Variants in RBMS3 observed in about 807,000 individuals in gnomAD.
RBMS3 encodes the protein RNA binding motif single stranded interacting protein 3, also known as RNA-binding motif, single-stranded-interacting protein 3.
A neutral mutation model predicts 66.8 loss-of-function variants in RBMS3; 27 were observed. That is an observed-to-expected ratio of 0.40 (90% confidence interval 0.30 to 0.56). RBMS3 has a LOEUF of 0.56. Among genes scored for constraint, RBMS3 ranks in the 20% least tolerant of loss-of-function variants. RBMS3 has a pLI of 0.40. For synonymous variants in RBMS3, 188 were observed against 183.0 expected (o/e 1.03, Z -0.22); for missense variants, 513 against 549.5 (o/e 0.93, Z 0.66).
chr3:29,498,763 A>G (rs1165611101), intron 3 of RBMS3, among the ~76,000 whole-genome samples: 7 of 152,174 alleles, frequency 4.6e-5, no homozygotes, highest in Admixed American at 3.9e-4. Context: ...AAATGTTTCT[A>G]TGGCCTTGGA....
chr3:29,866,230 A>G (rs2059361868), intron 6 of RBMS3, among the ~76,000 whole-genome samples: 1 of 152,148 alleles, frequency 6.6e-6, no homozygotes, highest in African/African-American at 2.4e-5. Context: ...GCATATGCAT[A>G]TATCAACACT....
chr3:29,647,382 T>G (rs563645169), intron 4 of RBMS3, among the ~76,000 whole-genome samples: 20 of 152,258 alleles, frequency 1.3e-4, no homozygotes, highest in Admixed American at 9.8e-4. Context: ...CCTGTTGTCT[T>G]TAAAAGCTGG....
At chr3:29,901,237 G>A (rs963541502) in intron 10 of RBMS3, among the ~76,000 whole-genome samples, 3 of 151,826 alleles carry the variant, frequency 2.0e-5, no homozygotes, top group South Asian at 2.1e-4. Flanking sequence ...GCAATACATA[G>A]CATAGCAAAG....
chr3:29,631,905 A>C (rs1214230607), intron 4 of RBMS3, among the ~76,000 whole-genome samples: 2 of 151,826 alleles, frequency 1.3e-5, no homozygotes, highest in Non-Finnish European at 2.9e-5. Context: ...GACTCTCCTC[A>C]CTCCCAAAAA....
intron 1 of RBMS3, among the ~76,000 whole-genome samples, chr3:29,404,562 A>G (rs1315589386): frequency 2.0e-5 from 3 of 152,008 alleles, no homozygotes; most frequent in Admixed American, 1.3e-4. Flanking sequence ...TTGCAACACT[A>G]TTTTCAGAGT....
chr3:29,399,834 A>G (rs2039728628), intron 1 of RBMS3, among the ~76,000 whole-genome samples: 1 of 152,180 alleles, frequency 6.6e-6, no homozygotes, highest in African/African-American at 2.4e-5. Flanking sequence ...AAAATGAAGG[A>G]CAATGGCTAA....
At chr3:29,751,798 C>T (rs2055196143) in intron 5 of RBMS3, among the ~76,000 whole-genome samples, 5 of 152,198 alleles carry the variant, frequency 3.3e-5, no homozygotes, top group Admixed American at 3.3e-4. Context: ...GCCCGCAGCA[C>T]TCAAACCCCT....
At chr3:29,655,526 A>G (rs1460908837) in intron 4 of RBMS3, among the ~76,000 whole-genome samples, 1 of 152,248 alleles carries the variant, frequency 6.6e-6, no homozygotes, top group Non-Finnish European at 1.5e-5. Context: ...TTGCCATAAC[A>G]TCACAGCACA....
At chr3:29,340,942 A>G (rs557205907) in intron 1 of RBMS3, among the ~76,000 whole-genome samples, 2 of 152,082 alleles carry the variant, frequency 1.3e-5, no homozygotes, top group Non-Finnish European at 2.9e-5. Context: ...AAATTAATTT[A>G]AACTTAGTTT....
chr3:29,964,556 C>A (rs539416630), intron 12 of RBMS3, among the ~76,000 whole-genome samples: 2 of 152,150 alleles, frequency 1.3e-5, no homozygotes, highest in East Asian at 3.9e-4. Context: ...AACTTTATAC[C>A]TCTGGAGGCT....
chr3:29,788,412 A>G (rs1273031848), intron 6 of RBMS3, among the ~76,000 whole-genome samples: 3 of 151,932 alleles, frequency 2.0e-5, no homozygotes, highest in African/African-American at 7.3e-5. Context: ...TTTTTAGTAG[A>G]GACGGGGTTT....
chr3:29,386,469 T>C (rs191881349), intron 1 of RBMS3, among the ~76,000 whole-genome samples: 204 of 152,310 alleles, frequency 1.3e-3, no homozygotes, highest in African/African-American at 4.8e-3. Context: ...TGTATATCCT[T>C]ATACTCTTCT....
At chr3:30,003,689 C>A (rs944598974) in intron 14 of RBMS3, among the ~76,000 whole-genome samples, 167 bp from the exon 15 acceptor site, 2 of 151,896 alleles carry the variant, frequency 1.3e-5, no homozygotes, top group African/African-American at 4.8e-5. Context: ...ATGAAAGTGG[C>A]AGAATTTGAC....
intron 2 of RBMS3, among the ~76,000 whole-genome samples, chr3:29,486,075 C>A (rs2043306342): frequency 6.6e-6 from 1 of 152,018 alleles, no homozygotes; most frequent in South Asian, 2.1e-4. Flanking sequence ...AGCATAATTT[C>A]ATAGGTATAT....
At chr3:29,949,738 TTTTA>T (rs1559830013) in intron 12 of RBMS3, among the ~76,000 whole-genome samples, 1 of 151,436 alleles carries the variant, frequency 6.6e-6, no homozygotes, top group African/African-American at 2.4e-5. Flanking sequence ...TTAAGAATAT[TTTTA>T]TTTTTTATAT....
At chr3:29,622,514 G>C (rs1027246462) in intron 4 of RBMS3, among the ~76,000 whole-genome samples, 2 of 152,184 alleles carry the variant, frequency 1.3e-5, no homozygotes, top group Non-Finnish European at 2.9e-5. Flanking sequence ...ATATACTCAT[G>C]AGAATTATTC....
rs2034003082 is a variant in RBMS3 at position 29,306,210 on chromosome 3, A to G, written c.75+24454A>G. Among the ~76,000 whole-genome samples the G allele has an allele frequency of 2.6e-5, 4 of 152,054 alleles. No individual in the cohort carries two copies. In the South Asian group the frequency reaches 8.3e-4, roughly 32 times the overall value. ...TTGGAAAACTAATCTCCCATTGGAT[A>G]TGGTTTTGGTTCAATTGCTTATCAA... On this transcript the variant is annotated intron_variant, in intron 1 of 14. Coordinates refer to ENST00000383767, the MANE Select transcript of RBMS3 (RefSeq NM_001003793.3).
chr3:29,839,664 C>G (rs754949952), intron 6 of RBMS3, among the ~76,000 whole-genome samples: 2 of 151,414 alleles, frequency 1.3e-5, no homozygotes, highest in Non-Finnish European at 2.9e-5. Context: ...AAAATGAACT[C>G]ATTTTTACTT....
intron 6 of RBMS3, among the ~76,000 whole-genome samples, chr3:29,845,869 T>C (rs1271438858): frequency 1.3e-5 from 2 of 152,178 alleles, no homozygotes; most frequent in Admixed American, 6.5e-5. Flanking sequence ...AAGCAGTGTT[T>C]CAGCTGAGAT....
Sources: gnomAD v4.1 joint callset for allele counts (sites outside exome capture counted in the v4.1 genomes callset) on GRCh38, gnomAD v4.1.1 for gene constraint, MANE v1.5 for transcripts, NCBI Gene and HGNC (gene_info 2026-07-23, HGNC 2026-07-21) for gene names.